EYS: variants seen among roughly 807,000 people sequenced by gnomAD.
EYS encodes the protein EGF-like photoreceptor maintenance factor.
EYS carries 250 observed loss-of-function variants against 282.1 expected under a neutral mutation model. The observed-to-expected ratio is 0.89, with a 90% CI of 0.80 to 0.98. The LOEUF is 0.98. EYS is among the 50% of genes least tolerant of loss of function. EYS has a pLI of 0.00. For missense variants in EYS, 4,016 were observed against 3,709.0 expected (o/e 1.08, Z -2.15); for synonymous variants, 1,355 against 1,282.9 (o/e 1.06, Z -1.20).
rs569520696 is a variant in EYS, at chr6:64,310,812, C to A, written c.6079-3730G>T. Among the ~76,000 whole-genome samples the A allele has an allele frequency of 8.7e-3, 1,320 of 152,158 alleles. 27 individuals are homozygous for A. Among genetic ancestry groups the A allele is most frequent in the African/African-American group, 0.029 (1,208 of 41,512 alleles). On this transcript the variant is annotated intron_variant, in intron 29 of 42. Coordinates refer to ENST00000503581, the MANE Select transcript of EYS (RefSeq NM_001142800.2). ...AAAGGGAACTGAGCATATGAGTGAA[C>A]AAAATGGGAAGACTGGACTGAATTT... is the stretch of plus-strand genomic sequence containing the variant.
At chr6:64,772,959 A>T (rs1773567903) in intron 22 of EYS, among the ~76,000 whole-genome samples, 1 of 151,836 alleles carries the variant, frequency 6.6e-6, no homozygotes, top group African/African-American at 2.4e-5. Context: ...AAAGAGGAAG[A>T]GTGACATATC....
At chr6:65,291,727 G>A (rs1476345436) in intron 12 of EYS, among the ~76,000 whole-genome samples, 1 of 151,500 alleles carries the variant, frequency 6.6e-6, no homozygotes, top group Admixed American at 6.6e-5. Flanking sequence ...CTCATCTTTG[G>A]AGTCTACTAA....
chr6:64,348,540 T>C (rs1207914035), intron 29 of EYS, among the ~76,000 whole-genome samples: 1 of 151,442 alleles, frequency 6.6e-6, no homozygotes, highest in African/African-American at 2.4e-5. Flanking sequence ...TGTGGTAAAG[T>C]ATTCGGAAGC....
At chr6:63,967,936 T>C (rs1766382278) in intron 35 of EYS, among the ~76,000 whole-genome samples, 1 of 152,168 alleles carries the variant, frequency 6.6e-6, no homozygotes, top group African/African-American at 2.4e-5. Flanking sequence ...GTGATGTGCC[T>C]CAAATCGCAT....
At chr6:64,595,195 T>G (rs939983126) in intron 24 of EYS, among the ~76,000 whole-genome samples, 2 of 152,198 alleles carry the variant, frequency 1.3e-5, no homozygotes, top group African/African-American at 4.8e-5. Flanking sequence ...AAAATCCATA[T>G]AAGTATCTCA....
At chr6:64,693,219 T>G (rs556101728) in intron 22 of EYS, among the ~76,000 whole-genome samples, 15 of 151,928 alleles carry the variant, frequency 9.9e-5, no homozygotes, top group African/African-American at 3.6e-4. Flanking sequence ...AAGACTTAAT[T>G]TTTTTCATTT....
intron 12 of EYS, among the ~76,000 whole-genome samples, chr6:65,073,471 A>T (rs1773955823): frequency 1.3e-5 from 2 of 151,782 alleles, no homozygotes; most frequent in South Asian, 4.1e-4. Context: ...ATATGAGAAT[A>T]GGTAGTGTGC....
At chr6:64,444,572 T>C (rs905274272) in intron 26 of EYS, among the ~76,000 whole-genome samples, 1 of 152,210 alleles carries the variant, frequency 6.6e-6, no homozygotes, top group Non-Finnish European at 1.5e-5. Context: ...TGCATTCAAT[T>C]GTAAAGTACT....
intron 22 of EYS, among the ~76,000 whole-genome samples, chr6:64,774,790 C>G (rs1773629706): frequency 6.6e-6 from 1 of 151,860 alleles, no homozygotes; most frequent in Admixed American, 6.6e-5. Context: ...ATTTTGGGCC[C>G]ATCTTTCCCT....
chr6:65,480,966 G>C (rs1362045003), intron 5 of EYS, among the ~76,000 whole-genome samples: 1 of 152,144 alleles, frequency 6.6e-6, no homozygotes, highest in Non-Finnish European at 1.5e-5. Context: ...GAAGGGTAGG[G>C]AGAAGGAGGA....
intron 35 of EYS, among the ~76,000 whole-genome samples, chr6:63,977,891 T>C (rs973975556): frequency 5.3e-5 from 8 of 152,034 alleles, no homozygotes; most frequent in African/African-American, 1.9e-4. Context: ...ATGCATTACA[T>C]TCCTTCCCCA....
At chr6:64,602,778 T>C (rs985698973) in intron 24 of EYS, among the ~76,000 whole-genome samples, 8 of 152,002 alleles carry the variant, frequency 5.3e-5, no homozygotes, top group South Asian at 2.1e-4. Flanking sequence ...TTAAGAAATG[T>C]TTAATGCTGC....
chr6:65,186,200 C>T (rs12189624), intron 12 of EYS, among the ~76,000 whole-genome samples: 6,741 of 151,790 alleles, frequency 0.044, 201 homozygotes, highest in Middle Eastern at 0.065. Context: ...TTTGAGAGAA[C>T]TTTACCTCAA....
chr6:65,695,148 A>G (rs1433408500), intron 1 of EYS, among the ~76,000 whole-genome samples: 1 of 152,120 alleles, frequency 6.6e-6, no homozygotes, highest in African/African-American at 2.4e-5. Flanking sequence ...CATAGAAATA[A>G]GTGTTCATTT....
intron 31 of EYS, among the ~76,000 whole-genome samples, chr6:64,209,104 C>T (rs1765690537): frequency 6.6e-6 from 1 of 152,000 alleles, no homozygotes; most frequent in Non-Finnish European, 1.5e-5. Flanking sequence ...AAGCAAATAC[C>T]AAGGAAATGA....
intron 12 of EYS, among the ~76,000 whole-genome samples, chr6:65,295,512 A>G (rs927003221): frequency 2.0e-5 from 3 of 151,964 alleles, no homozygotes; most frequent in African/African-American, 7.2e-5. Flanking sequence ...TATGCAGCCA[A>G]ACAAAAGGTT....
rs1775638884 is a variant in EYS at position 64,458,638 on chromosome 6, AT to A, written c.5645-19287del. On this transcript the variant is annotated intron_variant, in intron 26 of 42. Transcript: ENST00000503581. ...TTATCTCTGATTTTTTGAGAATATG[AT>A]TATATCTTTCAATAGTCTTATTTGG... 2.0e-5 allele frequency among the ~76,000 whole-genome samples: 3 copies of A among 151,800 alleles called. No homozygotes were observed. The South Asian group carries it at 6.2e-4, about 31-fold the overall frequency.
intron 30 of EYS, among the ~76,000 whole-genome samples, chr6:64,274,503 T>TTTTTTTA (rs55928528): frequency 6.8e-6 from 1 of 148,036 alleles, no homozygotes; most frequent in African/African-American, 2.5e-5. Flanking sequence ...TTTTTTTTTT[T>TTTTTTTA]ACAAATCAGC....
At chr6:65,050,425 A>G (rs975316635) in intron 13 of EYS, among the ~76,000 whole-genome samples, 3 of 151,638 alleles carry the variant, frequency 2.0e-5, no homozygotes, top group Admixed American at 6.6e-5. Context: ...CTATTGGATT[A>G]ATAACTTATT....
Sources: gnomAD v4.1 joint callset for allele counts (sites outside exome capture counted in the v4.1 genomes callset) on GRCh38, gnomAD v4.1.1 for gene constraint, MANE v1.5 for transcripts, NCBI Gene and HGNC (gene_info 2026-07-23, HGNC 2026-07-21) for gene names.